Variants in SCCPDH observed in about 807,000 individuals in gnomAD.
SCCPDH encodes saccharopine dehydrogenase (putative), also known as saccharopine dehydrogenase-like oxidoreductase.
SCCPDH carries 34 observed loss-of-function variants against 51.5 expected under a neutral mutation model. The ratio of observed to expected loss-of-function variants is 0.66; its 90% CI spans 0.50 to 0.88. SCCPDH has a LOEUF of 0.88. Ranked by LOEUF, SCCPDH falls within the 40% of genes least tolerant of loss-of-function variation. The pLI is 0.00. For missense variants in SCCPDH, 464 were observed against 527.1 expected, an observed-to-expected ratio of 0.88 and a Z score of 1.17; for synonymous variants, 187 against 191.3, an observed-to-expected ratio of 0.98 and a Z score of 0.19.
chr1:246,753,799 G>A lies in SCCPDH; in HGVS notation c.565-4427G>A, dbSNP rs116192051. Among the ~76,000 whole-genome samples the A allele has an allele frequency of 4.5e-3, 676 of 151,898 alleles. 6 individuals carry two copies. Among genetic ancestry groups the A allele is most frequent in the African/African-American group, 0.015 (632 of 41,404 alleles). On this transcript the variant is annotated intron_variant, in intron 5 of 11. Coordinates refer to ENST00000366510, the MANE Select transcript of SCCPDH (RefSeq NM_016002.3). Reference sequence around the variant, plus strand: ...TCTATCTCACGCTGAAGTCCTTTTAGGGAAGAGGACTTAACGCTCGTAGTG... The same window carrying A: ...TCTATCTCACGCTGAAGTCCTTTTAAGGAAGAGGACTTAACGCTCGTAGTG...
intron 5 of SCCPDH, among the ~76,000 whole-genome samples, chr1:246,750,790 A>T (rs1227094606): frequency 6.6e-6 from 1 of 152,212 alleles, no homozygotes; most frequent in Non-Finnish European, 1.5e-5. Flanking sequence ...TTAGACGACC[A>T]ATTGGAGGCA....
At chr1:246,735,121 A>T (rs766426156) in intron 2 of SCCPDH, among the ~76,000 whole-genome samples, 2 of 152,186 alleles carry the variant, frequency 1.3e-5, no homozygotes, top group African/African-American at 4.8e-5. Context: ...CGTCTGTGCT[A>T]TAAGTCTTAT....
chr1:246,756,530 TC>T (rs1306528085), intron 5 of SCCPDH, among the ~76,000 whole-genome samples: 1 of 152,232 alleles, frequency 6.6e-6, no homozygotes, highest in Non-Finnish European at 1.5e-5. Context: ...TTTTTCCTTT[TC>T]AATGGCTTAG....
rs78693867 is a variant in SCCPDH at position 246,750,243 on chromosome 1, G to C, written c.564+6118G>C. Reference sequence around the variant, plus strand: ...ATGTTGGTGTACTGGAAACTCTAGCGGGGGGGTACCTGTGCTGAAAGACCT... The same window carrying C: ...ATGTTGGTGTACTGGAAACTCTAGCCGGGGGGTACCTGTGCTGAAAGACCT... On this transcript the variant is annotated intron_variant, in intron 5 of 11. Coordinates refer to ENST00000366510, the MANE Select transcript of SCCPDH (RefSeq NM_016002.3). Among the ~76,000 whole-genome samples, 345 of 150,842 alleles carry C rather than the reference G, an allele frequency of 2.3e-3. 1 individual carries two copies. The highest frequency in any genetic ancestry group is 8.0e-3 in the African/African-American group (322 of 40,276).
Position 246,760,210 on chromosome 1 carries a change from G to A in SCCPDH, c.973G>A (p.Gly325Ser), listed in dbSNP as rs1200380642. 3 of 1,608,968 alleles carry A rather than the reference G, an allele frequency of 1.9e-6. No individual in the cohort carries two copies. The highest frequency in any genetic ancestry group is 1.1e-5 in the South Asian group (1 of 89,254). ...CTCCTTTGGCTATTTTTCAAAACAA[G>A]GCCCAACACAAAAACAGGTAATTTC... ...FFSFGYFSKQ[G>S]PTQKQIDAAS... The change falls in exon 9 of 12, where the codon GGC becomes AGC. Residue 325 changes from glycine (G) to serine (S), a missense_variant. Coordinates refer to ENST00000366510, the MANE Select transcript of SCCPDH (RefSeq NM_016002.3).
chr1:246,730,432 CT>C (rs1330297232), intron 2 of SCCPDH, among the ~76,000 whole-genome samples: 1 of 152,182 alleles, frequency 6.6e-6, no homozygotes, highest in Non-Finnish European at 1.5e-5. Context: ...AGCGTTTAAG[CT>C]TTAGAACCTC....
intron 5 of SCCPDH, among the ~76,000 whole-genome samples, chr1:246,747,140 C>T (rs892511382): frequency 6.6e-6 from 1 of 152,024 alleles, no homozygotes; most frequent in Non-Finnish European, 1.5e-5. Flanking sequence ...CTTTTTTTCC[C>T]CTCTTGTTTC....
intron 5 of SCCPDH, among the ~76,000 whole-genome samples, chr1:246,757,376 T>C (rs1451347611): frequency 1.4e-5 from 2 of 146,006 alleles, no homozygotes; most frequent in South Asian, 2.2e-4. Context: ...GGGCCAGCGC[T>C]GTGATAGTAA....
At position 246,767,975 on chromosome 1, in the gene SCCPDH, A is replaced by G. The variant is rs909838541; in HGVS notation, c.*675A>G. 1.3e-5 allele frequency: 2 copies of G among 152,208 alleles called. No individual in the cohort carries two copies. Among genetic ancestry groups the G allele is most frequent in the African/African-American group, 4.8e-5 (2 of 41,456 alleles). The allele number at this position is 152,208 out of a possible 1,614,324, so 9.4% of individuals were successfully genotyped here. ...TTCTATATCTGTGACTAGGTTTTTA[A>G]GGATACAGCTTATAAGTTGCTATCA... On this transcript the variant is annotated 3_prime_UTR_variant, in exon 12 of 12. Coordinates refer to ENST00000366510, the MANE Select transcript of SCCPDH (RefSeq NM_016002.3).
intron 5 of SCCPDH, among the ~76,000 whole-genome samples, chr1:246,754,181 C>T (rs540920859): frequency 1.3e-5 from 2 of 152,212 alleles, no homozygotes; most frequent in African/African-American, 4.8e-5. Context: ...CTTGGCTGCT[C>T]CTGTGGTGTT....
chr1:246,734,861 T>C (rs968612168), intron 2 of SCCPDH, among the ~76,000 whole-genome samples: 1 of 152,268 alleles, frequency 6.6e-6, no homozygotes, highest in Non-Finnish European at 1.5e-5. Context: ...CTTTTACATA[T>C]GAAAATTTGT....
intron 11 of SCCPDH, among the ~76,000 whole-genome samples, chr1:246,766,815 C>T (rs1172494420): frequency 2.0e-5 from 3 of 152,118 alleles, no homozygotes; most frequent in Non-Finnish European, 4.4e-5. Context: ...GTTCTGTTTA[C>T]ACTTTCATAA....
rs200248907 is a variant in SCCPDH at position 246,758,366 on chromosome 1, C to A, written c.695+10C>A. The A allele has an allele frequency of 9.8e-5, 156 of 1,591,342 alleles. No individual in the cohort carries two copies. In the East Asian group the frequency reaches 1.9e-3, roughly 20 times the overall value. On this transcript the variant is annotated intron_variant, in intron 6 of 11. Coordinates refer to ENST00000366510, the MANE Select transcript of SCCPDH (RefSeq NM_016002.3). ...CAAAATTGAAGAGAAGGTAAATTAA[C>A]TTAAAATCCATTTTTTATATATCTA...
intron 7 of SCCPDH, among the ~76,000 whole-genome samples, chr1:246,759,597 G>A (rs1057143287): frequency 6.6e-6 from 1 of 152,188 alleles, no homozygotes; most frequent in African/African-American, 2.4e-5. Context: ...AAGTTAAAAG[G>A]TGGAGGGCAT....
intron 5 of SCCPDH, among the ~76,000 whole-genome samples, chr1:246,754,311 C>T (rs533977874): frequency 3.9e-5 from 6 of 152,284 alleles, no homozygotes; most frequent in Admixed American, 1.3e-4. Flanking sequence ...TTGTCACACC[C>T]GGTGGGTCTT....
chr1:246,747,108 T>G (rs1286937907), intron 5 of SCCPDH, among the ~76,000 whole-genome samples: 2 of 152,214 alleles, frequency 1.3e-5, no homozygotes, highest in Non-Finnish European at 2.9e-5. Flanking sequence ...GATCTAGATG[T>G]TCAAATGATA....
intron 2 of SCCPDH, 124 bp downstream of exon 2, chr1:246,727,128 G>GT (rs1208321197): frequency 1.1e-5 from 8 of 736,352 alleles, no homozygotes; most frequent in South Asian, 9.0e-5. Flanking sequence ...CATATGGGGA[G>GT]TTTTTTCTTC....
intron 2 of SCCPDH, among the ~76,000 whole-genome samples, chr1:246,730,901 A>G (rs1017819517): frequency 2.0e-5 from 3 of 152,156 alleles, no homozygotes; most frequent in Admixed American, 1.3e-4. Context: ...TCTACTAAAA[A>G]TACAAAAAAT....
At chr1:246,737,000 G>A (rs1425529250) in intron 3 of SCCPDH, among the ~76,000 whole-genome samples, 2 of 152,092 alleles carry the variant, frequency 1.3e-5, no homozygotes, top group Non-Finnish European at 2.9e-5. Flanking sequence ...AGAAGAACTA[G>A]GTCTTCAATT....
Sources: gnomAD v4.1 joint callset for allele counts (sites outside exome capture counted in the v4.1 genomes callset) on GRCh38, gnomAD v4.1.1 for gene constraint, MANE v1.5 for transcripts, NCBI Gene and HGNC (gene_info 2026-07-23, HGNC 2026-07-21) for gene names.